SLC17A1: variants seen among roughly 807,000 people sequenced by gnomAD.
SLC17A1 encodes solute carrier family 17 member 1, also known as sodium-dependent phosphate transport protein 1.
Under a neutral mutation model 53.5 loss-of-function variants are expected in SLC17A1, and 51 were observed. The observed-to-expected ratio is 0.95, with a 90% CI of 0.76 to 1.20. The LOEUF (loss-of-function observed/expected upper bound fraction) is 1.20. Among genes scored for constraint, SLC17A1 ranks in the 50% most tolerant of loss-of-function variants. SLC17A1 has a pLI of 0.00. For synonymous variants in SLC17A1, 179 were observed against 198.8 expected, an observed-to-expected ratio of 0.90 and a Z score of 0.84; for missense variants, 538 against 568.2, an observed-to-expected ratio of 0.95 and a Z score of 0.54.
downstream of SLC17A1, among the ~76,000 whole-genome samples, chr6:25,778,277 G>A (rs775878635): frequency 4.6e-5 from 7 of 151,832 alleles, no homozygotes; most frequent in Non-Finnish European, 1.0e-4. Context: ...AAAAAACACT[G>A]CCATATACCA....
At chr6:25,764,754 C>A in the SLC17A1 span, among the ~76,000 whole-genome samples, 1 of 152,282 alleles carries the variant, frequency 6.6e-6, no homozygotes, top group East Asian at 1.9e-4. Context: ...CTGGGTGAAG[C>A]GTGCATGGGT....
At chr6:25,796,980 T>C (rs1408442742) in intron 12 of SLC17A1, among the ~76,000 whole-genome samples, 1 of 152,240 alleles carries the variant, frequency 6.6e-6, no homozygotes, top group Non-Finnish European at 1.5e-5. Context: ...TCTAGGTTTC[T>C]ACCCAAGGCC....
chr6:25,788,495 CAGGGCGAGGA>C (rs1763431687), intron 12 of SLC17A1, among the ~76,000 whole-genome samples: 1 of 152,100 alleles, frequency 6.6e-6, no homozygotes, highest in African/African-American at 2.4e-5. Context: ...AGAGCCTGTG[CAGGGCGAGGA>C]TTGTGTTCAT....
chr6:25,785,377 T>C (rs1763359531), intron 12 of SLC17A1, among the ~76,000 whole-genome samples: 1 of 152,080 alleles, frequency 6.6e-6, no homozygotes, highest in Admixed American at 6.6e-5. Flanking sequence ...GAAGAAAACT[T>C]AGGGGTACAT....
downstream of SLC17A1, chr6:25,780,438 G>C (rs1216417966): frequency 6.6e-6 from 1 of 152,198 alleles, no homozygotes; most frequent in Non-Finnish European, 1.5e-5. Context: ...GCTGGGATCT[G>C]AAGGATAATA....
chr6:25,815,129 T>A (rs879438483), intron 6 of SLC17A1, among the ~76,000 whole-genome samples: 1 of 122,166 alleles, frequency 8.2e-6, no homozygotes, highest in South Asian at 2.5e-4. Context: ...TAAAGAAACA[T>A]ACTGGAAGGA....
Position 25,802,935 on chromosome 6 carries a change from C to CTTTTTTTTTT in SLC17A1, c.1179-1965_1179-1956dup, listed in dbSNP as rs34669145. ...ATGACGTTTTAACGACTATCTTCTT[C>CTTTTTTTTTT]TTTTTTTTTTTTTTTTTTTTTTTTT... On this transcript the variant is annotated intron_variant, in intron 10 of 12. Transcript: ENST00000244527. Among the ~76,000 whole-genome samples, 100 of 46,094 alleles carry CTTTTTTTTTT rather than the reference C, an allele frequency of 2.2e-3. 19 individuals are homozygous for CTTTTTTTTTT. Among genetic ancestry groups the CTTTTTTTTTT allele is most frequent in the African/African-American group, 6.0e-3 (67 of 11,106 alleles). 30.2% of individuals were successfully genotyped at this position (46,094 alleles called of 152,430 possible).
chr6:25,826,486 G>A lies in SLC17A1; in HGVS notation c.182C>T (p.Thr61Ile). 1 of 1,608,188 alleles carries A rather than the reference G, an allele frequency of 6.2e-7. No individual in the cohort carries two copies. Among genetic ancestry groups the A allele is most frequent in the Non-Finnish European group, 8.5e-7 (1 of 1,177,330 alleles). ...TDPHGLPNTS[T>I]KKLLDNIKNP... ...CTTTATATTATCCAGGAGCTTCTTT[G>A]TGGAGGTGTTGGGCAAACCATGTGG... Residue 61 changes from threonine (T) to isoleucine (I), a missense_variant, in exon 3 of 13, where the codon ACA (threonine) becomes ATA (isoleucine). Transcript: ENST00000244527.
chr6:25,727,977 T>C, the SLC17A1 span, among the ~76,000 whole-genome samples: 24 of 152,010 alleles, frequency 1.6e-4, no homozygotes, highest in African/African-American at 5.8e-4. Context: ...AGATCGTCAC[T>C]GCACTACAGC....
chr6:25,736,683 C>G, the SLC17A1 span, among the ~76,000 whole-genome samples: 1 of 152,138 alleles, frequency 6.6e-6, no homozygotes, highest in South Asian at 2.1e-4. Context: ...ATGGGCAGGT[C>G]TGACTCTCAG....
the SLC17A1 span, among the ~76,000 whole-genome samples, chr6:25,747,192 T>A: frequency 1.3e-5 from 2 of 152,214 alleles, no homozygotes; most frequent in Non-Finnish European, 2.9e-5. Flanking sequence ...TGCAGCAACA[T>A]TGCCATTCTT....
the SLC17A1 span, chr6:25,732,568 G>C: frequency 1.4e-6 from 1 of 717,602 alleles, no homozygotes; most frequent in Non-Finnish European, 2.3e-6. Context: ...AGGGTCGGGG[G>C]CTGCACGCTA....
the SLC17A1 span, among the ~76,000 whole-genome samples, chr6:25,728,685 G>A: frequency 1.3e-5 from 2 of 152,054 alleles, no homozygotes; most frequent in Non-Finnish European, 2.9e-5. Context: ...GTGGTGGCAC[G>A]TTCCTGTAAT....
chr6:25,772,604 C>T, the SLC17A1 span, among the ~76,000 whole-genome samples: 1 of 152,130 alleles, frequency 6.6e-6, no homozygotes, highest in Non-Finnish European at 1.5e-5. Flanking sequence ...AATGTCTTTG[C>T]TGAGGATTCA....
At chr6:25,830,273 T>C (rs963120547) in intron 2 of SLC17A1, among the ~76,000 whole-genome samples, 4 of 152,192 alleles carry the variant, frequency 2.6e-5, no homozygotes, top group Non-Finnish European at 4.4e-5. Context: ...TTTTCTGATA[T>C]TTTCCACTAA....
At chr6:25,753,177 C>T in the SLC17A1 span, among the ~76,000 whole-genome samples, 1 of 152,124 alleles carries the variant, frequency 6.6e-6, no homozygotes, top group Non-Finnish European at 1.5e-5. Context: ...TGGTAAAACA[C>T]TTGGCAATCA....
the SLC17A1 span, among the ~76,000 whole-genome samples, chr6:25,734,514 A>G: frequency 1.3e-4 from 20 of 152,210 alleles, no homozygotes; most frequent in African/African-American, 4.8e-4. Flanking sequence ...AAAAATCCCA[A>G]AAGTGAATGA....
intron 2 of SLC17A1, among the ~76,000 whole-genome samples, chr6:25,827,422 T>C (rs1764789741): frequency 6.6e-6 from 1 of 152,156 alleles, no homozygotes; most frequent in Non-Finnish European, 1.5e-5. Flanking sequence ...ACAATTTGGA[T>C]AAATCTGGAT....
intron 12 of SLC17A1, among the ~76,000 whole-genome samples, chr6:25,798,087 G>A (rs561598789): frequency 6.6e-6 from 1 of 152,242 alleles, no homozygotes; most frequent in African/African-American, 2.4e-5. Context: ...GGTATACAAT[G>A]TCTTCATGCC....
Sources: allele counts gnomAD v4.1 joint callset (sites outside exome capture counted in the v4.1 genomes callset), GRCh38; gene constraint gnomAD v4.1.1; transcripts MANE v1.5; gene names NCBI Gene and HGNC (gene_info 2026-07-23, HGNC 2026-07-21).